PDE1C: variants seen among roughly 807,000 people sequenced by gnomAD.
PDE1C encodes dual specificity calcium/calmodulin-dependent 3',5'-cyclic nucleotide phosphodiesterase 1C.
A neutral mutation model predicts 93.1 loss-of-function variants in PDE1C; 62 were observed. That is an observed-to-expected ratio of 0.67 (90% confidence interval 0.54 to 0.82). The LOEUF (loss-of-function observed/expected upper bound fraction) is 0.82, where lower values mean the gene tolerates loss of function less well. PDE1C is among the 40% of genes least tolerant of loss of function. The probability of loss-of-function intolerance (pLI) is 0.00; values close to 1 mark genes in which losing one functional copy is unlikely to be tolerated. For synonymous variants in PDE1C, 325 were observed against 310.1 expected (o/e 1.05, Z -0.50); for missense variants, 742 against 884.6 (o/e 0.84, Z 2.04).
intron 16 of PDE1C, among the ~76,000 whole-genome samples, chr7:31,801,431 T>C (rs1786021662): frequency 6.6e-6 from 1 of 151,516 alleles, no homozygotes; most frequent in African/African-American, 2.4e-5. Flanking sequence ...CAGAATATAG[T>C]CTATCTTTTT....
intron 16 of PDE1C, among the ~76,000 whole-genome samples, chr7:31,801,320 A>G (rs191460215): frequency 9.0e-4 from 136 of 151,584 alleles, no homozygotes; most frequent in African/African-American, 3.2e-3. Flanking sequence ...AAAGAATAAT[A>G]ACATAATACA....
intron 3 of PDE1C, among the ~76,000 whole-genome samples, chr7:32,123,676 C>G (rs999698248): frequency 7.9e-5 from 12 of 152,260 alleles, no homozygotes; most frequent in Middle Eastern, 3.4e-3. Flanking sequence ...TAAAAACTCT[C>G]AATAAACTAG....
At chr7:31,770,389 T>C (rs1035528823) in intron 17 of PDE1C, among the ~76,000 whole-genome samples, 2 of 152,244 alleles carry the variant, frequency 1.3e-5, no homozygotes, top group Admixed American at 6.5e-5. Flanking sequence ...ACAAAAGTTT[T>C]TTATTTTAAT....
chr7:31,949,882 A>T (rs143241304), intron 2 of PDE1C, among the ~76,000 whole-genome samples: 182 of 152,288 alleles, frequency 1.2e-3, no homozygotes, highest in African/African-American at 4.2e-3. Context: ...TATCATAAAC[A>T]GTTGCTAGTT....
chr7:32,221,874 C>T (rs903805156), intron 1 of PDE1C, among the ~76,000 whole-genome samples: 18 of 152,166 alleles, frequency 1.2e-4, no homozygotes, highest in African/African-American at 4.3e-4. Context: ...TCTCAACTGG[C>T]ATTCAACAGA....
intron 1 of PDE1C, among the ~76,000 whole-genome samples, chr7:32,384,947 C>G (rs1057458771): frequency 6.6e-6 from 1 of 152,080 alleles, no homozygotes; most frequent in African/African-American, 2.4e-5. Context: ...GTCACCCTAG[C>G]TAGTTTGGGG....
intron 1 of PDE1C, among the ~76,000 whole-genome samples, chr7:32,404,962 C>A (rs766950679): frequency 5.3e-5 from 8 of 152,260 alleles, no homozygotes; most frequent in Non-Finnish European, 1.0e-4. Context: ...TGGCTTGATT[C>A]CTTACAGGTT....
intron 2 of PDE1C, among the ~76,000 whole-genome samples, chr7:31,903,329 C>T (rs1800211450): frequency 6.6e-6 from 1 of 151,864 alleles, no homozygotes; most frequent in South Asian, 2.1e-4. Context: ...ATGCTCAAAA[C>T]TTTTAGTAAA....
At position 32,152,644 on chromosome 7, in the gene PDE1C, G is replaced by A. The variant is rs368738779; in HGVS notation, c.308+17141C>T. Among the ~76,000 whole-genome samples, 25 of 152,214 alleles carry A rather than the reference G, an allele frequency of 1.6e-4. No individual in the cohort carries two copies. In the East Asian group the frequency reaches 2.7e-3, roughly 16 times the overall value. On this transcript the variant is annotated intron_variant, in intron 3 of 18. Transcript: ENST00000396193. ...TTCTATTCTAGTTATCTGCCCCTACGATGCAGTTTAAATTACCTAGATGGA... is the reference window on the plus strand; with the variant it reads ...TTCTATTCTAGTTATCTGCCCCTACAATGCAGTTTAAATTACCTAGATGGA...
chr7:32,315,717 C>T (rs1191904870), intron 1 of PDE1C, among the ~76,000 whole-genome samples: 1 of 152,186 alleles, frequency 6.6e-6, no homozygotes, highest in Admixed American at 6.5e-5. Context: ...AATATTTTGG[C>T]CGGCGTGGTG....
intron 2 of PDE1C, among the ~76,000 whole-genome samples, chr7:31,914,935 A>G (rs919116243): frequency 2.0e-5 from 3 of 152,208 alleles, no homozygotes; most frequent in African/African-American, 7.2e-5. Context: ...ATGTTTTCTC[A>G]TCTGCCCCCA....
the PDE1C span, among the ~76,000 whole-genome samples, chr7:31,678,311 T>G: frequency 6.6e-6 from 1 of 152,160 alleles, no homozygotes; most frequent in Non-Finnish European, 1.5e-5. Context: ...GGGGATAACC[T>G]TTCCAGATAG....
upstream of PDE1C, among the ~76,000 whole-genome samples, chr7:32,074,818 C>T (rs573068866): frequency 7.9e-5 from 12 of 152,246 alleles, no homozygotes; most frequent in East Asian, 9.7e-4. Flanking sequence ...AACATGGTAA[C>T]GGGTAGGGTG....
intron 1 of PDE1C, among the ~76,000 whole-genome samples, chr7:32,266,165 T>C (rs75705806): frequency 0.12 from 17,688 of 151,592 alleles, 1,184 homozygotes; most frequent in African/African-American, 0.16. Flanking sequence ...GCCTGTAGTC[T>C]CAGCTACTCA....
intron 2 of PDE1C, among the ~76,000 whole-genome samples, chr7:32,189,115 T>C (rs576345900): frequency 5.0e-4 from 76 of 152,282 alleles, no homozygotes; most frequent in Admixed American, 3.4e-3. Context: ...GTGCAGTGGA[T>C]CACTATATAG....
At chr7:32,122,891 A>G (rs935776865) in intron 3 of PDE1C, among the ~76,000 whole-genome samples, 1 of 152,204 alleles carries the variant, frequency 6.6e-6, no homozygotes, top group Admixed American at 6.5e-5. Context: ...AGACAGAGAC[A>G]TGGAAAACCC....
intron 1 of PDE1C, among the ~76,000 whole-genome samples, chr7:32,227,424 G>T (rs1033355027): frequency 3.9e-5 from 6 of 152,128 alleles, no homozygotes; most frequent in Admixed American, 1.3e-4. Flanking sequence ...AATGAATAGC[G>T]ATTTAAAGTC....
At chr7:31,954,064 A>G (rs1386923670) in intron 2 of PDE1C, among the ~76,000 whole-genome samples, 1 of 152,206 alleles carries the variant, frequency 6.6e-6, no homozygotes, top group African/African-American at 2.4e-5. Flanking sequence ...GGCTAAAAAG[A>G]TCCTATTTGT....
chr7:32,094,892 C>A (rs1046594501), intron 3 of PDE1C, among the ~76,000 whole-genome samples: 16 of 152,202 alleles, frequency 1.1e-4, no homozygotes, highest in Non-Finnish European at 7.3e-5. Context: ...TCCAACCACA[C>A]TGCTTGGAGT....
Sources: allele counts gnomAD v4.1 joint callset (sites outside exome capture counted in the v4.1 genomes callset), GRCh38; gene constraint gnomAD v4.1.1; transcripts MANE v1.5; gene names NCBI Gene and HGNC (gene_info 2026-07-23, HGNC 2026-07-21).